Variants in SORCS3 observed in about 807,000 individuals in gnomAD.
SORCS3 encodes the protein VPS10 domain-containing receptor SorCS3.
A neutral mutation model predicts 146.3 loss-of-function variants in SORCS3; 57 were observed. That is an observed-to-expected ratio of 0.39 (90% CI 0.31 to 0.49). SORCS3 has a LOEUF of 0.49. Ranked by LOEUF, SORCS3 falls within the 20% of genes least tolerant of loss-of-function variation. The pLI, the probability that SORCS3 is intolerant of heterozygous loss-of-function variation, is 0.92. For missense variants in SORCS3, 1,341 were observed against 1,575.5 expected (o/e 0.85, Z 2.52); for synonymous variants, 653 against 618.5 (o/e 1.06, Z -0.83).
intron 9 of SORCS3, among the ~76,000 whole-genome samples, chr10:105,148,801 A>G (rs935761307): frequency 3.3e-5 from 5 of 152,070 alleles, no homozygotes; most frequent in Admixed American, 6.6e-5. Flanking sequence ...AAATCCCAGC[A>G]GCCCTAAATT....
chr10:104,751,156 A>G (rs1028217822), intron 1 of SORCS3, among the ~76,000 whole-genome samples: 14 of 152,166 alleles, frequency 9.2e-5, no homozygotes, highest in African/African-American at 3.4e-4. Context: ...TTAATGCAGT[A>G]TGAGATTGTG....
At chr10:105,076,741 C>T (rs745358) in intron 5 of SORCS3, among the ~76,000 whole-genome samples, 104,802 of 152,092 alleles carry the variant, frequency 0.69, 36,335 homozygotes, top group East Asian at 0.84. Context: ...AACAAATGGG[C>T]CATGTGGTAG....
chr10:104,729,794 C>T (rs546884922), intron 1 of SORCS3, among the ~76,000 whole-genome samples: 2 of 152,248 alleles, frequency 1.3e-5, no homozygotes, highest in South Asian at 2.1e-4. Flanking sequence ...GGAGGTGACT[C>T]GTTTTGGGCC....
At chr10:105,256,542 C>T (rs915755802) in intron 24 of SORCS3, among the ~76,000 whole-genome samples, 2 of 152,224 alleles carry the variant, frequency 1.3e-5, no homozygotes, top group East Asian at 3.8e-4. Flanking sequence ...CCTTATTCCA[C>T]TCCCCTGAGC....
At chr10:104,899,249 G>C (rs569207988) in intron 2 of SORCS3, among the ~76,000 whole-genome samples, 19 of 152,192 alleles carry the variant, frequency 1.2e-4, no homozygotes, top group Non-Finnish European at 2.5e-4. Context: ...TTTTTAAACA[G>C]AGAATTCAGC....
chr10:105,069,309 G>T (rs1385766642), intron 5 of SORCS3, among the ~76,000 whole-genome samples: 3 of 152,144 alleles, frequency 2.0e-5, no homozygotes, highest in Non-Finnish European at 4.4e-5. Flanking sequence ...GTAAAGTTCT[G>T]CTCAAAACTT....
intron 4 of SORCS3, among the ~76,000 whole-genome samples, chr10:105,004,398 A>C (rs953783689): frequency 3.3e-5 from 5 of 152,122 alleles, no homozygotes; most frequent in Non-Finnish European, 7.4e-5. Flanking sequence ...AGGCTTTTGA[A>C]CCTGGGCCTG....
Position 105,158,897 on chromosome 10 carries a change from C to T in SORCS3, c.1635C>T (p.Phe545=), listed in dbSNP as rs2056236254. 1 of 1,611,264 alleles carries T rather than the reference C, an allele frequency of 6.2e-7. No individual in the cohort carries two copies. The highest frequency in any genetic ancestry group is 8.5e-7 in the Non-Finnish European group (1 of 1,177,734). ...TATTTCTTTCTCCATTTTAGCCCTT[C>T]TGTTCCTTACATCTGCACCTGCAAC... ...RGSPVHCLLP[F]CSLHLHLQLS... is the part of the protein sequence containing the mutation. The change falls in exon 11 of 27, where the codon TTC becomes TTT. Residue 545 remains phenylalanine (F), a synonymous_variant. Transcript: ENST00000369701.
At chr10:105,237,907 G>T (rs2056802174) in intron 20 of SORCS3, among the ~76,000 whole-genome samples, 1 of 152,174 alleles carries the variant, frequency 6.6e-6, no homozygotes, top group Non-Finnish European at 1.5e-5. Flanking sequence ...GTGTGACTAG[G>T]TTACTATGTA....
intron 6 of SORCS3, among the ~76,000 whole-genome samples, chr10:105,096,260 A>C (rs1383811216): frequency 6.6e-6 from 1 of 152,138 alleles, no homozygotes; most frequent in East Asian, 1.9e-4. Flanking sequence ...TGATTTTAGG[A>C]CATGTAGGAT....
chr10:104,914,554 G>A (rs977188066), intron 2 of SORCS3, among the ~76,000 whole-genome samples: 1 of 152,120 alleles, frequency 6.6e-6, no homozygotes, highest in African/African-American at 2.4e-5. Context: ...AGGAATTTGA[G>A]GCACAAGCCA....
chr10:104,736,634 T>C (rs1381757538), intron 1 of SORCS3, among the ~76,000 whole-genome samples: 1 of 152,218 alleles, frequency 6.6e-6, no homozygotes, highest in African/African-American at 2.4e-5. Context: ...ATGGTTTTTC[T>C]GTTGTCTTTT....
intron 5 of SORCS3, among the ~76,000 whole-genome samples, chr10:105,067,998 C>G (rs2055533077): frequency 6.6e-6 from 1 of 152,030 alleles, no homozygotes; most frequent in Non-Finnish European, 1.5e-5. Flanking sequence ...TCCAGTCCCT[C>G]TAAAGATTAC....
intron 23 of SORCS3, among the ~76,000 whole-genome samples, chr10:105,255,186 C>CAAAA (rs35150065): frequency 4.3e-4 from 14 of 32,654 alleles, no homozygotes; most frequent in Non-Finnish European, 5.8e-4. Context: ...GACTCAGTCT[C>CAAAA]AAAAAAAAAA....
intron 16 of SORCS3, among the ~76,000 whole-genome samples, chr10:105,204,998 A>G (rs1485353681): frequency 6.6e-6 from 1 of 152,206 alleles, no homozygotes; most frequent in East Asian, 1.9e-4. Context: ...CCTCTCTAGC[A>G]GGAAGTATTA....
At chr10:104,681,434 A>G (rs1250139179) in intron 1 of SORCS3, among the ~76,000 whole-genome samples, 2 of 152,008 alleles carry the variant, frequency 1.3e-5, no homozygotes, top group Admixed American at 6.6e-5. Context: ...AATTCACCCA[A>G]TAGCTGTTTG....
rs145940860 is a variant in SORCS3 at position 105,135,481 on chromosome 10, A to G, written c.1213-3916A>G. Among the ~76,000 whole-genome samples the G allele has an allele frequency of 2.3e-3, 356 of 152,236 alleles. 2 individuals carry two copies. The highest frequency in any genetic ancestry group is 2.5e-3 in the African/African-American group (102 of 41,548). ...CCTTCTAGCTGTACTAATTTTATCA[A>G]TGGTCCCTTGGCCACACCCTTGGTG... On this transcript the variant is annotated intron_variant, in intron 7 of 26. Transcript: ENST00000369701.
chr10:105,201,543 G>T (rs1407856060), intron 16 of SORCS3, among the ~76,000 whole-genome samples: 4 of 152,166 alleles, frequency 2.6e-5, no homozygotes, highest in African/African-American at 9.7e-5. Context: ...GAAACTACTG[G>T]AGAAGTTGTG....
chr10:105,181,491 C>A (rs1189639690), intron 14 of SORCS3, among the ~76,000 whole-genome samples: 2 of 152,120 alleles, frequency 1.3e-5, no homozygotes, highest in Non-Finnish European at 2.9e-5. Flanking sequence ...CTCCACCTTT[C>A]ACAATAATCT....
Sources: allele counts gnomAD v4.1 joint callset (sites outside exome capture counted in the v4.1 genomes callset), GRCh38; gene constraint gnomAD v4.1.1; transcripts MANE v1.5; gene names NCBI Gene and HGNC (gene_info 2026-07-23, HGNC 2026-07-21).